Variants in CCSER1 observed in about 807,000 individuals in gnomAD.
The protein encoded by CCSER1 is serine-rich coiled-coil domain-containing protein 1.
CCSER1 carries 41 observed loss-of-function variants against 82.0 expected under a neutral mutation model. The observed-to-expected ratio is 0.50, with a 90% CI of 0.39 to 0.65. CCSER1 has a LOEUF of 0.65. Ranked by LOEUF, CCSER1 falls within the 30% of genes least tolerant of loss-of-function variation. The pLI, the probability that CCSER1 is intolerant of heterozygous loss-of-function variation, is 0.00. For missense variants in CCSER1, 1,119 were observed against 1,064.2 expected, an observed-to-expected ratio of 1.05 and a Z score of -0.72; for synonymous variants, 414 against 383.9, an observed-to-expected ratio of 1.08 and a Z score of -0.92.
intron 10 of CCSER1, among the ~76,000 whole-genome samples, chr4:91,378,308 T>G (rs572196603): frequency 1.3e-5 from 2 of 152,126 alleles, no homozygotes; most frequent in African/African-American, 2.4e-5. Context: ...TAGCTTGATG[T>G]GGATGGCATT....
intron 8 of CCSER1, among the ~76,000 whole-genome samples, chr4:90,914,535 G>C (rs990698572): frequency 2.2e-4 from 34 of 152,030 alleles, no homozygotes; most frequent in African/African-American, 8.0e-4. Flanking sequence ...GCCCACAAGA[G>C]AAAGCAGGAA....
intron 6 of CCSER1, among the ~76,000 whole-genome samples, chr4:90,699,396 T>C (rs11929705): frequency 0.23 from 34,430 of 151,664 alleles, 4,914 homozygotes; most frequent in African/African-American, 0.4. Context: ...ACCTGGGAGG[T>C]GAAGGTTACA....
At chr4:90,517,362 G>A (rs1196691885) in intron 5 of CCSER1, among the ~76,000 whole-genome samples, 1 of 151,994 alleles carries the variant, frequency 6.6e-6, no homozygotes, top group Non-Finnish European at 1.5e-5. Context: ...CTGTTTAAAA[G>A]GTATAAATAA....
At chr4:91,551,269 A>T (rs73838042) in intron 10 of CCSER1, among the ~76,000 whole-genome samples, 3 of 152,124 alleles carry the variant, frequency 2.0e-5, no homozygotes, top group Admixed American at 6.6e-5. Context: ...TAGTTTTGCT[A>T]TACAGTGCCT....
chr4:90,369,327 GAAGA>G lies in CCSER1; in HGVS notation c.1510-30703_1510-30700del, dbSNP rs1381981645. Among the ~76,000 whole-genome samples, 314 of 128,242 alleles carry G rather than the reference GAAGA, an allele frequency of 2.4e-3. 7 individuals carry two copies. The highest frequency in any genetic ancestry group is 3.8e-3 in the Non-Finnish European group (231 of 60,678). The allele number at this position is 128,242 out of a possible 152,430, so 84.1% of individuals were successfully genotyped here. On this transcript the variant is annotated intron_variant, in intron 3 of 10. Transcript: ENST00000509176. ...GAAGGACAAAGATGAGGATGAGGAG[GAAGA>G]AAGAAGAAGAAGAAAGAAAAGAGGA...
chr4:91,252,367 AAATAATAACTT>A (rs1740322145), intron 10 of CCSER1, among the ~76,000 whole-genome samples: 1 of 152,180 alleles, frequency 6.6e-6, no homozygotes, highest in African/African-American at 2.4e-5. Flanking sequence ...GAAGGACACA[AAATAATAACTT>A]AAAAATAAGA....
chr4:90,290,871 A>T (rs1560958596), intron 1 of CCSER1, among the ~76,000 whole-genome samples: 1 of 151,980 alleles, frequency 6.6e-6, no homozygotes, highest in Non-Finnish European at 1.5e-5. Context: ...ATATTATATG[A>T]TGTTATTGTT....
intron 1 of CCSER1, among the ~76,000 whole-genome samples, chr4:90,282,835 A>T (rs1729125077): frequency 1.3e-5 from 2 of 151,936 alleles, no homozygotes; most frequent in African/African-American, 4.8e-5. Flanking sequence ...GTATTTCACA[A>T]GAGTCAGATT....
At chr4:91,479,859 A>C (rs1030132855) in intron 10 of CCSER1, among the ~76,000 whole-genome samples, 1 of 144,156 alleles carries the variant, frequency 6.9e-6, no homozygotes, top group African/African-American at 2.6e-5. Context: ...GTCATCTAGC[A>C]TTAGGTATAT....
intron 3 of CCSER1, among the ~76,000 whole-genome samples, chr4:90,339,503 G>A (rs369373878): frequency 6.6e-6 from 1 of 151,880 alleles, no homozygotes; most frequent in Non-Finnish European, 1.5e-5. Flanking sequence ...CCTTGCTTTC[G>A]CTCTCCAGTT....
At chr4:91,054,010 C>T (rs1743223179) in intron 9 of CCSER1, among the ~76,000 whole-genome samples, 2 of 152,304 alleles carry the variant, frequency 1.3e-5, no homozygotes, top group South Asian at 2.1e-4. Context: ...ATACATTCAT[C>T]CTCTTGCATG....
intron 4 of CCSER1, among the ~76,000 whole-genome samples, chr4:90,402,927 A>G (rs1171648794): frequency 6.6e-6 from 1 of 152,226 alleles, no homozygotes; most frequent in Non-Finnish European, 1.5e-5. Context: ...AGGGTACCTG[A>G]TGAATCAACT....
At chr4:90,400,401 T>G (rs1355583083) in intron 4 of CCSER1, among the ~76,000 whole-genome samples, 2 of 152,184 alleles carry the variant, frequency 1.3e-5, no homozygotes, top group African/African-American at 2.4e-5. Context: ...AATATTCTAG[T>G]TAAATAATTA....
chr4:91,595,956 A>C (rs904666679), intron 10 of CCSER1, among the ~76,000 whole-genome samples: 4 of 151,224 alleles, frequency 2.6e-5, no homozygotes, highest in African/African-American at 9.7e-5. Context: ...AAAAAAAAAA[A>C]AAAAAAAAAA....
At chr4:90,176,881 A>G (rs1310107178) in intron 1 of CCSER1, among the ~76,000 whole-genome samples, 5 of 152,036 alleles carry the variant, frequency 3.3e-5, no homozygotes, top group Non-Finnish European at 7.4e-5. Context: ...CTCTGGGTAC[A>G]GATTAGTTAG....
intron 9 of CCSER1, among the ~76,000 whole-genome samples, chr4:91,050,025 C>G (rs572855122): frequency 1.6e-4 from 24 of 152,306 alleles, no homozygotes; most frequent in Admixed American, 1.5e-3. Context: ...TTATCTTCTG[C>G]TTTCCCTACC....
intron 1 of CCSER1, among the ~76,000 whole-genome samples, chr4:90,203,682 A>T (rs1738196751): frequency 6.6e-6 from 1 of 152,172 alleles, no homozygotes; most frequent in Non-Finnish European, 1.5e-5. Context: ...GTATAGTAGA[A>T]TGATTTATAA....
intron 9 of CCSER1, among the ~76,000 whole-genome samples, chr4:90,930,910 TTATATATA>T (rs70963098): frequency 3.8e-4 from 42 of 109,650 alleles, no homozygotes; most frequent in South Asian, 1.5e-3. Context: ...TATCCTTATT[TTATATATA>T]TATATATATA....
intron 6 of CCSER1, among the ~76,000 whole-genome samples, chr4:90,648,272 G>C (rs1230294644): frequency 9.4e-6 from 1 of 106,560 alleles, no homozygotes; most frequent in Admixed American, 1.0e-4. Flanking sequence ...AAGAAAGAGA[G>C]AGAGAAAGAA....
Sources: allele counts gnomAD v4.1 joint callset (sites outside exome capture counted in the v4.1 genomes callset), GRCh38; gene constraint gnomAD v4.1.1; transcripts MANE v1.5; gene names NCBI Gene and HGNC (gene_info 2026-07-23, HGNC 2026-07-21).